The following STAU2 variants were observed in gnomAD, a reference collection of about 807,000 sequenced individuals.
STAU2 encodes the protein staufen double-stranded RNA binding protein 2, also known as double-stranded RNA-binding protein Staufen homolog 2.
In STAU2, 20 loss-of-function variants were observed where a neutral mutation model predicts 65.9. The ratio of observed to expected loss-of-function variants is 0.30; its 90% CI spans 0.21 to 0.44. The LOEUF is 0.44. STAU2 is among the 20% of genes least tolerant of loss of function. The pLI is 1.00. For synonymous variants in STAU2, 232 were observed against 233.9 expected (o/e 0.99, Z 0.07); for missense variants, 558 against 683.9 (o/e 0.82, Z 2.05).
rs534950588 is a variant in STAU2, at chr8:73,595,050, T to C, written c.1161+116A>G. On this transcript the variant is annotated intron_variant, in intron 11 of 14. Coordinates refer to ENST00000524300, the MANE Select transcript of STAU2 (RefSeq NM_001164380.2). ...TTTGTGCTTGGATCATCTATCTTTGTATTGCCTCAGAAAAGTTAAAATTGA... is the reference window on the plus strand; with the variant it reads ...TTTGTGCTTGGATCATCTATCTTTGCATTGCCTCAGAAAAGTTAAAATTGA... The C allele has an allele frequency of 2.3e-5, 18 of 773,994 alleles. No homozygotes were observed. The East Asian group carries it at 4.6e-4, about 20-fold the overall frequency. 47.9% of individuals were successfully genotyped at this position (773,994 alleles called of 1,614,324 possible).
At chr8:73,659,335 C>T (rs1441297208) in intron 6 of STAU2, among the ~76,000 whole-genome samples, 1 of 152,014 alleles carries the variant, frequency 6.6e-6, no homozygotes, top group South Asian at 2.1e-4. Context: ...GTCGGGAGTT[C>T]GAGACCAGCC....
At chr8:73,551,611 A>C (rs1273490514) in intron 13 of STAU2, 49 of 990,846 alleles carry the variant, frequency 4.9e-5, no homozygotes, top group Middle Eastern at 2.8e-4. Flanking sequence ...TCATAAAAAG[A>C]AACTCAATCC....
intron 6 of STAU2, among the ~76,000 whole-genome samples, chr8:73,633,051 AG>A (rs1210253562): frequency 6.6e-6 from 1 of 152,212 alleles, no homozygotes; most frequent in East Asian, 1.9e-4. Context: ...TATTCACTGC[AG>A]CCCTAGTGTA....
At chr8:73,475,677 T>C (rs1327793863) in intron 13 of STAU2, among the ~76,000 whole-genome samples, 1 of 152,334 alleles carries the variant, frequency 6.6e-6, no homozygotes, top group East Asian at 1.9e-4. Context: ...TCTCATTTAA[T>C]ACTAATTTAG....
intron 5 of STAU2, among the ~76,000 whole-genome samples, chr8:73,682,235 G>A: frequency 6.6e-6 from 1 of 151,774 alleles, no homozygotes; most frequent in Admixed American, 6.6e-5. Context: ...CACAAAACAA[G>A]TCACAGTATA....
intron 13 of STAU2, chr8:73,550,064 C>A: frequency 2.0e-6 from 2 of 985,440 alleles, no homozygotes; most frequent in Non-Finnish European, 2.4e-6. Context: ...CCCGGAGATT[C>A]TGCTCACTGC....
At chr8:73,682,044 T>C (rs1252627061) in intron 5 of STAU2, among the ~76,000 whole-genome samples, 1 of 152,016 alleles carries the variant, frequency 6.6e-6, no homozygotes, top group African/African-American at 2.4e-5. Flanking sequence ...ACTTCAATAT[T>C]CCACTGACAG....
intron 11 of STAU2, among the ~76,000 whole-genome samples, chr8:73,586,122 G>C (rs1274408878): frequency 6.6e-6 from 1 of 151,356 alleles, no homozygotes; most frequent in Non-Finnish European, 1.5e-5. Flanking sequence ...ACAGCAGGAG[G>C]TAAGTCAAAG....
At position 73,672,885 on chromosome 8, in the gene STAU2, C is replaced by T. The variant is rs1817781205; in HGVS notation, c.410+222G>A. ...AAAACTAGTTCCTTCAGATCTTTTACGTTTGTGGGGTAGGGGAAAAAAAAA... is the reference window on the plus strand; with the variant it reads ...AAAACTAGTTCCTTCAGATCTTTTATGTTTGTGGGGTAGGGGAAAAAAAAA... On this transcript the variant is annotated intron_variant, in intron 6 of 14. Transcript: ENST00000524300. 2.8e-5 allele frequency: 8 copies of T among 283,432 alleles called. No homozygotes were observed. The East Asian group carries it at 3.4e-4, about 12-fold the overall frequency. 17.6% of individuals were successfully genotyped at this position (283,432 alleles called of 1,614,324 possible).
chr8:73,672,698 T>A (rs576675762), intron 6 of STAU2, among the ~76,000 whole-genome samples: 1 of 152,298 alleles, frequency 6.6e-6, no homozygotes, highest in East Asian at 1.9e-4. Flanking sequence ...CTTTTTTCCC[T>A]ATAAATTACA....
intron 6 of STAU2, among the ~76,000 whole-genome samples, chr8:73,669,555 G>C (rs1453353384): frequency 6.6e-6 from 1 of 152,032 alleles, no homozygotes; most frequent in African/African-American, 2.4e-5. Flanking sequence ...GGTTCACTCT[G>C]ATCAAGCCAC....
At chr8:73,596,464 G>C (rs1204824664) in intron 10 of STAU2, among the ~76,000 whole-genome samples, 1 of 152,120 alleles carries the variant, frequency 6.6e-6, no homozygotes, top group African/African-American at 2.4e-5. Flanking sequence ...GAATTACAAG[G>C]AGAAATAGAA....
chr8:73,635,722 G>C (rs1814442474), intron 6 of STAU2, among the ~76,000 whole-genome samples: 1 of 151,860 alleles, frequency 6.6e-6, no homozygotes. Flanking sequence ...CTACTCGGGA[G>C]GCTGAGGCAG....
intron 4 of STAU2, among the ~76,000 whole-genome samples, chr8:73,689,562 T>A (rs778815569): frequency 1.1e-3 from 164 of 152,138 alleles, no homozygotes; most frequent in African/African-American, 1.2e-3. Context: ...CTCACACACA[T>A]CCTTCCACTA....
intron 1 of STAU2, among the ~76,000 whole-genome samples, chr8:73,744,261 C>G (rs1346709545): frequency 6.6e-6 from 1 of 151,978 alleles, no homozygotes; most frequent in East Asian, 1.9e-4. Context: ...ATTACTGATT[C>G]TAGACATCTA....
chr8:73,711,563 TACAA>T (rs1049095194), intron 3 of STAU2, among the ~76,000 whole-genome samples: 6 of 152,162 alleles, frequency 3.9e-5, no homozygotes, highest in African/African-American at 1.4e-4. Context: ...ATTAGAAGCA[TACAA>T]ACATAGTGTG....
chr8:73,590,354 A>G (rs1810684526), intron 11 of STAU2, among the ~76,000 whole-genome samples: 1 of 152,120 alleles, frequency 6.6e-6, no homozygotes, highest in Non-Finnish European at 1.5e-5. Context: ...AAAAAAATAC[A>G]TCAACAAGAA....
At chr8:73,737,531 C>T (rs1435091204) in intron 3 of STAU2, among the ~76,000 whole-genome samples, 10 of 150,960 alleles carry the variant, frequency 6.6e-5, no homozygotes, top group African/African-American at 2.4e-4. Context: ...TGTTGATTTG[C>T]AATCAAAAGA....
intron 3 of STAU2, among the ~76,000 whole-genome samples, chr8:73,733,995 T>C (rs1277874933): frequency 3.3e-5 from 5 of 152,164 alleles, no homozygotes; most frequent in Non-Finnish European, 7.4e-5. Context: ...TAAAAATCTG[T>C]CCAACAATAA....
Sources: gnomAD v4.1 joint callset for allele counts (sites outside exome capture counted in the v4.1 genomes callset) on GRCh38, gnomAD v4.1.1 for gene constraint, MANE v1.5 for transcripts, NCBI Gene and HGNC (gene_info 2026-07-23, HGNC 2026-07-21) for gene names.